The following SOX5 variants were observed in gnomAD, a reference collection of about 807,000 sequenced individuals.
SOX5 encodes SRY-box transcription factor 5.
A neutral mutation model predicts 92.0 loss-of-function variants in SOX5; 9 were observed. The ratio of observed to expected loss-of-function variants is 0.10; its 90% confidence interval spans 0.06 to 0.17. The LOEUF is 0.17. Ranked by LOEUF, SOX5 falls within the 10% of genes least tolerant of loss-of-function variation. The probability of loss-of-function intolerance (pLI) is 1.00; values close to 1 mark genes in which losing one functional copy is unlikely to be tolerated. For synonymous variants in SOX5, 344 were observed against 336.3 expected (o/e 1.02, Z -0.25); for missense variants, 642 against 944.5 (o/e 0.68, Z 4.20).
At chr12:24,293,382 C>T (rs916709894) in intron 2 of SOX5, among the ~76,000 whole-genome samples, 1 of 152,184 alleles carries the variant, frequency 6.6e-6, no homozygotes, top group African/African-American at 2.4e-5. Flanking sequence ...TTTTTATCAT[C>T]TTTAATGTGA....
chr12:24,287,959 G>T (rs969635311), intron 2 of SOX5, among the ~76,000 whole-genome samples: 1 of 152,124 alleles, frequency 6.6e-6, no homozygotes, highest in African/African-American at 2.4e-5. Context: ...CTGGCAAAAA[G>T]GAAATTTTGG....
chr12:24,319,615 C>T (rs1436090061), intron 2 of SOX5, among the ~76,000 whole-genome samples: 1 of 152,154 alleles, frequency 6.6e-6, no homozygotes, highest in African/African-American at 2.4e-5. Flanking sequence ...AGTGGTTTTC[C>T]AGTCTTTTTA....
chr12:23,939,592 C>T (rs1287765970), intron 1 of SOX5, among the ~76,000 whole-genome samples: 1 of 150,832 alleles, frequency 6.6e-6, no homozygotes, highest in East Asian at 1.9e-4. Context: ...CATGATACCA[C>T]AGACAAATTT....
intron 13 of SOX5, among the ~76,000 whole-genome samples, chr12:23,540,745 T>TTA (rs1239380908): frequency 1.3e-4 from 20 of 152,240 alleles, no homozygotes; most frequent in African/African-American, 4.8e-4. Context: ...TTTTAGGGTA[T>TTA]TATAAAATGC....
chr12:24,292,521 A>G (rs1172984149), intron 2 of SOX5, among the ~76,000 whole-genome samples: 3 of 152,222 alleles, frequency 2.0e-5, no homozygotes, highest in East Asian at 1.9e-4. Context: ...GAAGACAGAA[A>G]TTTTGTGAGA....
At chr12:24,486,948 T>C (rs1946586387) in intron 1 of SOX5, among the ~76,000 whole-genome samples, 1 of 152,172 alleles carries the variant, frequency 6.6e-6, no homozygotes, top group Non-Finnish European at 1.5e-5. Flanking sequence ...CTGATACTGG[T>C]AAACAACACA....
At chr12:23,671,358 G>A (rs987313470) in intron 6 of SOX5, among the ~76,000 whole-genome samples, 14 of 152,286 alleles carry the variant, frequency 9.2e-5, no homozygotes, top group African/African-American at 3.1e-4. Flanking sequence ...ATCATCCTTA[G>A]GGATCAGTTC....
At chr12:24,255,021 A>G (rs1160136025) in intron 3 of SOX5, among the ~76,000 whole-genome samples, 3 of 152,156 alleles carry the variant, frequency 2.0e-5, no homozygotes, top group African/African-American at 7.2e-5. Flanking sequence ...AAACAAGAAA[A>G]GAAAGCAATG....
At chr12:23,770,792 A>T (rs143194890) in intron 3 of SOX5, among the ~76,000 whole-genome samples, 310 of 152,320 alleles carry the variant, frequency 2.0e-3, no homozygotes, top group Non-Finnish European at 3.6e-3. Flanking sequence ...ATGCAGTTAA[A>T]TCAAAATCTT....
chr12:24,028,492 G>T lies in SOX5; in HGVS notation c.-1-132468C>A, dbSNP rs1171570109. On this transcript the variant is annotated intron_variant, in intron 4 of 4. Coordinates refer to the SOX5 transcript ENST00000446891. Reference sequence around the variant, plus strand: ...TATATTGATTGTCCCATAAGGAGATGTCGCACCTTCCTTCTAGCTGCTTGA... The same window carrying T: ...TATATTGATTGTCCCATAAGGAGATTTCGCACCTTCCTTCTAGCTGCTTGA... 3.9e-5 allele frequency among the ~76,000 whole-genome samples: 6 copies of T among 152,118 alleles called. No individual in the cohort carries two copies. In the East Asian group the frequency reaches 1.2e-3, roughly 30 times the overall value.
At chr12:23,956,510 G>A (rs1387450664) in intron 4 of SOX5, among the ~76,000 whole-genome samples, 1 of 152,106 alleles carries the variant, frequency 6.6e-6, no homozygotes, top group Non-Finnish European at 1.5e-5. Flanking sequence ...CTGATGATCT[G>A]AGGTGGAACC....
At chr12:23,769,625 A>C (rs1268782408) in intron 3 of SOX5, among the ~76,000 whole-genome samples, 1 of 152,196 alleles carries the variant, frequency 6.6e-6, no homozygotes, top group Non-Finnish European at 1.5e-5. Context: ...ATAAACTAGA[A>C]GAATATCTGA....
chr12:23,693,256 T>C (rs1357351990), intron 6 of SOX5, among the ~76,000 whole-genome samples: 1 of 152,082 alleles, frequency 6.6e-6, no homozygotes, highest in Non-Finnish European at 1.5e-5. Flanking sequence ...CTCAAGTAGC[T>C]GGGATTACAA....
chr12:24,264,230 T>A lies in SOX5; in HGVS notation c.-77+12986A>T, dbSNP rs747459259. Among the ~76,000 whole-genome samples the A allele has an allele frequency of 3.3e-5, 5 of 152,216 alleles. 1 individual carries two copies. Among genetic ancestry groups the A allele is most frequent in the Non-Finnish European group, 7.3e-5 (5 of 68,036 alleles). ...GTATTCCAATGGCATTAGATAGATA[T>A]CTTGGTATTTGCTATTTAAGGATAA... On this transcript the variant is annotated intron_variant, in intron 3 of 4. Transcript: ENST00000446891.
At chr12:23,580,226 T>A (rs1949849260) in intron 9 of SOX5, among the ~76,000 whole-genome samples, 1 of 151,954 alleles carries the variant, frequency 6.6e-6, no homozygotes, top group Non-Finnish European at 1.5e-5. Flanking sequence ...GAAACCCAGG[T>A]TTTTGGACTC....
intron 1 of SOX5, among the ~76,000 whole-genome samples, chr12:24,477,164 C>T (rs549427940): frequency 6.7e-5 from 10 of 149,286 alleles, no homozygotes; most frequent in East Asian, 2.0e-4. Flanking sequence ...GATGGAGTCA[C>T]GCTGTGTTGC....
chr12:24,236,344 C>T (rs998994326), intron 3 of SOX5, among the ~76,000 whole-genome samples: 3 of 152,180 alleles, frequency 2.0e-5, no homozygotes, highest in Non-Finnish European at 4.4e-5. Flanking sequence ...TAATCCACTA[C>T]ATTCATCAAT....
At chr12:24,471,017 A>T (rs1178198787) in intron 1 of SOX5, among the ~76,000 whole-genome samples, 3 of 152,206 alleles carry the variant, frequency 2.0e-5, no homozygotes, top group Non-Finnish European at 4.4e-5. Context: ...CAAATAAGAT[A>T]ATATTTTTCT....
intron 4 of SOX5, among the ~76,000 whole-genome samples, chr12:23,972,057 T>C (rs940906778): frequency 6.6e-6 from 1 of 152,192 alleles, no homozygotes; most frequent in Non-Finnish European, 1.5e-5. Flanking sequence ...TAGTCTTATA[T>C]AGCATCACAG....
Sources: gnomAD v4.1 joint callset for allele counts (sites outside exome capture counted in the v4.1 genomes callset) on GRCh38, gnomAD v4.1.1 for gene constraint, MANE v1.5 for transcripts, NCBI Gene and HGNC (gene_info 2026-07-23, HGNC 2026-07-21) for gene names.